Variants in RHBDL3 observed in about 807,000 individuals in gnomAD.
The protein encoded by RHBDL3 is rhomboid like 3, also known as rhomboid-related protein 3.
Under a neutral mutation model 48.2 loss-of-function variants are expected in RHBDL3, and 28 were observed. That is an observed-to-expected ratio of 0.58 (90% CI 0.43 to 0.80). RHBDL3 has a LOEUF of 0.80. Ranked by LOEUF, RHBDL3 falls within the 30% of genes least tolerant of loss-of-function variation. The pLI, the probability that RHBDL3 is intolerant of heterozygous loss-of-function variation, is 0.00. For synonymous variants in RHBDL3, 208 were observed against 232.3 expected (o/e 0.90, Z 0.95); for missense variants, 464 against 542.7 (o/e 0.85, Z 1.44).
At chr17:32,317,530 G>A (rs544755828) in intron 8 of RHBDL3, among the ~76,000 whole-genome samples, 2 of 152,286 alleles carry the variant, frequency 1.3e-5, no homozygotes, top group South Asian at 2.1e-4. Flanking sequence ...TAAACATGGT[G>A]TAAGAGGACA....
intron 8 of RHBDL3, among the ~76,000 whole-genome samples, chr17:32,316,607 T>A (rs1263462445): frequency 1.3e-5 from 2 of 152,008 alleles, no homozygotes; most frequent in African/African-American, 2.4e-5. Context: ...ATCAGACTCC[T>A]GCCTGGGCTC....
At chr17:32,288,488 A>T (rs1009743234) in intron 3 of RHBDL3, 5 of 379,460 alleles carry the variant, frequency 1.3e-5, no homozygotes, top group African/African-American at 8.1e-5. Flanking sequence ...CTGAGTGTGA[A>T]CTTGATGGAT....
chr17:32,292,968 A>G (rs991694254), intron 4 of RHBDL3, among the ~76,000 whole-genome samples: 1 of 152,110 alleles, frequency 6.6e-6, no homozygotes, highest in Non-Finnish European at 1.5e-5. Context: ...AGCCAGGGCA[A>G]CAGAGTGAGA....
chr17:32,289,828 CG>C (rs1567773356), intron 4 of RHBDL3, among the ~76,000 whole-genome samples: 1 of 152,210 alleles, frequency 6.6e-6, no homozygotes, highest in African/African-American at 2.4e-5. Context: ...TCCAAAGCCA[CG>C]GGCCTAATTA....
At chr17:32,272,085 T>G (rs1414627277) in intron 2 of RHBDL3, among the ~76,000 whole-genome samples, 1 of 152,188 alleles carries the variant, frequency 6.6e-6, no homozygotes, top group Non-Finnish European at 1.5e-5. Context: ...AACTTCAGGG[T>G]GACTATGAGA....
intron 2 of RHBDL3, among the ~76,000 whole-genome samples, chr17:32,272,258 G>T (rs1053427017): frequency 6.6e-6 from 1 of 152,250 alleles, no homozygotes; most frequent in African/African-American, 2.4e-5. Context: ...TCTGAGCCCA[G>T]AGGATTTTTT....
At chr17:32,267,714 C>T in intron 1 of RHBDL3, 188 bp from the exon 2 acceptor site, 1 of 1,269,506 alleles carries the variant, frequency 7.9e-7, no homozygotes, top group East Asian at 3.9e-5. Context: ...TCAGTGTGGA[C>T]TCATTGGGGA....
At chr17:32,269,768 T>C (rs1034711143) in intron 2 of RHBDL3, among the ~76,000 whole-genome samples, 4 of 152,214 alleles carry the variant, frequency 2.6e-5, no homozygotes, top group Non-Finnish European at 5.9e-5. Flanking sequence ...TTTCTCTGTC[T>C]GTGTCTATCT....
chr17:32,307,731 T>C (rs2040744823), intron 7 of RHBDL3, among the ~76,000 whole-genome samples: 1 of 152,164 alleles, frequency 6.6e-6, no homozygotes, highest in South Asian at 2.1e-4. Flanking sequence ...GTTGAAAACC[T>C]GAGTGCATGG....
At position 32,321,169 on chromosome 17, in the gene RHBDL3, T is replaced by C. The variant is rs2150763737; in HGVS notation, c.1155T>C (p.Ala385=). 1 of 1,614,190 alleles carries C rather than the reference T, an allele frequency of 6.2e-7. No homozygotes were observed. Among genetic ancestry groups the C allele is most frequent in the Non-Finnish European group, 8.5e-7 (1 of 1,179,996 alleles). The part of the protein sequence containing the change: ...VAMYTVFVLF[A]VFWNIFAYTL... Reference sequence around the variant, plus strand: ...TGTACACCGTCTTCGTGCTGTTCGCTGTCTTCTGGAACATCTTTGCCTACA... The same window carrying C: ...TGTACACCGTCTTCGTGCTGTTCGCCGTCTTCTGGAACATCTTTGCCTACA... The change falls in exon 9 of 9, where the codon GCT becomes GCC. Residue 385 remains alanine, a synonymous_variant. Transcript: ENST00000269051.
intron 7 of RHBDL3, among the ~76,000 whole-genome samples, chr17:32,310,728 T>C (rs60165559): frequency 0.38 from 38,268 of 99,752 alleles, 5,817 homozygotes; most frequent in Non-Finnish European, 0.43. Context: ...AATATATATA[T>C]AAAAAATTAG....
intron 7 of RHBDL3, among the ~76,000 whole-genome samples, chr17:32,307,123 G>C (rs767522425): frequency 6.6e-6 from 1 of 151,986 alleles, no homozygotes; most frequent in Non-Finnish European, 1.5e-5. Flanking sequence ...TTTTGGAGGC[G>C]GTCTGAAGTC....
intron 6 of RHBDL3, among the ~76,000 whole-genome samples, chr17:32,305,113 G>A (rs56718595): frequency 0.15 from 21,444 of 140,112 alleles, 2,317 homozygotes; most frequent in African/African-American, 0.31. Flanking sequence ...GTTAGACCTT[G>A]TCTCAAAAAG....
intron 3 of RHBDL3, among the ~76,000 whole-genome samples, chr17:32,286,772 A>T (rs1311066189): frequency 6.6e-6 from 1 of 152,162 alleles, no homozygotes; most frequent in Admixed American, 6.5e-5. Context: ...CAACCCGGGT[A>T]GTCGTGTATG....
intron 7 of RHBDL3, among the ~76,000 whole-genome samples, chr17:32,307,168 C>G (rs1036348704): frequency 2.6e-5 from 4 of 152,126 alleles, no homozygotes; most frequent in African/African-American, 9.7e-5. Context: ...GCTAACCCTG[C>G]CCGATCCCTC....
rs140827457 is a variant in RHBDL3, at chr17:32,303,387, G to A, written c.782-1954G>A. Among the ~76,000 whole-genome samples the A allele has an allele frequency of 4.3e-3, 654 of 152,308 alleles. 2 individuals carry two copies. The highest frequency in any genetic ancestry group is 0.014 in the African/African-American group (596 of 41,568). On this transcript the variant is annotated intron_variant, in intron 6 of 8. Transcript: ENST00000269051. ...ATTGTAGCCCTGCAATGCAGCCTTC[G>A]AAGACAGCCCCACCAGGAGAGCGTG...
At chr17:32,305,547 T>G in intron 7 of RHBDL3, 106 bp downstream of exon 7, 1 of 788,510 alleles carries the variant, frequency 1.3e-6, no homozygotes, top group Non-Finnish European at 2.2e-6. Flanking sequence ...CAGGCAGACC[T>G]GACCTGGAGC....
chr17:32,299,093 T>C (rs1169024903), intron 6 of RHBDL3, among the ~76,000 whole-genome samples: 2 of 150,452 alleles, frequency 1.3e-5, no homozygotes, highest in African/African-American at 2.5e-5. Context: ...GCTCTTCAGC[T>C]TGACAGCTGT....
intron 4 of RHBDL3, among the ~76,000 whole-genome samples, chr17:32,291,967 TCA>T (rs1243742458): frequency 6.6e-6 from 1 of 151,954 alleles, no homozygotes; most frequent in Non-Finnish European, 1.5e-5. Flanking sequence ...AGACGGGGTT[TCA>T]CCACATTGGT....
Sources: gnomAD v4.1 joint callset for allele counts (sites outside exome capture counted in the v4.1 genomes callset) on GRCh38, gnomAD v4.1.1 for gene constraint, MANE v1.5 for transcripts, NCBI Gene and HGNC (gene_info 2026-07-23, HGNC 2026-07-21) for gene names.